The following MAP4K4 variants were observed in gnomAD, a reference collection of about 807,000 sequenced individuals.
The protein encoded by MAP4K4 is HPK/GCK-like kinase HGK.
A neutral mutation model predicts 189.6 loss-of-function variants in MAP4K4; 38 were observed. The observed-to-expected ratio is 0.20, with a 90% CI of 0.15 to 0.26. MAP4K4 has a LOEUF of 0.26. MAP4K4 is among the 10% of genes least tolerant of loss of function. The pLI is 1.00. For missense variants in MAP4K4, 1,054 were observed against 1,726.9 expected (o/e 0.61, Z 6.91); for synonymous variants, 610 against 624.3 (o/e 0.98, Z 0.34).
intron 2 of MAP4K4, among the ~76,000 whole-genome samples, chr2:101,731,094 T>C (rs533718222): frequency 9.9e-5 from 15 of 151,896 alleles, no homozygotes; most frequent in African/African-American, 3.6e-4. Context: ...GATTTGAATG[T>C]GACAGTAATT....
intron 2 of MAP4K4, among the ~76,000 whole-genome samples, chr2:101,707,093 G>A (rs2042711331): frequency 6.6e-6 from 1 of 152,144 alleles, no homozygotes. Context: ...TATTCCAAAT[G>A]ATGACCTTGT....
At chr2:101,721,555 C>T (rs574693295) in intron 2 of MAP4K4, among the ~76,000 whole-genome samples, 1 of 151,898 alleles carries the variant, frequency 6.6e-6, no homozygotes, top group South Asian at 2.1e-4. Flanking sequence ...CCTGCCTCGG[C>T]TTCCTGAGTA....
chr2:101,711,411 T>C (rs938045551), intron 2 of MAP4K4, among the ~76,000 whole-genome samples: 1 of 151,990 alleles, frequency 6.6e-6, no homozygotes, highest in Non-Finnish European at 1.5e-5. Flanking sequence ...TGCAGCACCA[T>C]GCCTGGCTAA....
chr2:101,858,675 G>T (rs2097548286), intron 13 of MAP4K4, among the ~76,000 whole-genome samples: 1 of 152,148 alleles, frequency 6.6e-6, no homozygotes, highest in South Asian at 2.1e-4. Flanking sequence ...TTTCTCTGGG[G>T]TTTACCAACC....
chr2:101,831,749 C>A, exon 7 of MAP4K4: 1 of 1,603,530 alleles, frequency 6.2e-7, no homozygotes, highest in Non-Finnish European at 8.5e-7. Context: ...CTCAGCTGGA[C>A]AGGACTGTGG....
intron 2 of MAP4K4, among the ~76,000 whole-genome samples, chr2:101,754,600 T>G (rs1273180096): frequency 6.6e-6 from 1 of 152,170 alleles, no homozygotes; most frequent in Non-Finnish European, 1.5e-5. Flanking sequence ...GTGATCTGCC[T>G]GCCTTGGCCT....
At chr2:101,771,958 C>T (rs959998309) in intron 2 of MAP4K4, among the ~76,000 whole-genome samples, 7 of 152,112 alleles carry the variant, frequency 4.6e-5, no homozygotes, top group Admixed American at 3.3e-4. Context: ...CGGTCCTGTG[C>T]TGTGGTCTAT....
At chr2:101,801,148 C>A (rs1558985075) in intron 3 of MAP4K4, among the ~76,000 whole-genome samples, 1 of 152,138 alleles carries the variant, frequency 6.6e-6, no homozygotes, top group Non-Finnish European at 1.5e-5. Flanking sequence ...GGCGGCTGTA[C>A]ATGCAAAGTT....
chr2:101,879,856 A>G (rs1055441177), intron 27 of MAP4K4, among the ~76,000 whole-genome samples: 2 of 144,502 alleles, frequency 1.4e-5, no homozygotes, highest in African/African-American at 5.1e-5. Flanking sequence ...TTTTAAGTAG[A>G]CTTTTTCTAA....
intron 2 of MAP4K4, among the ~76,000 whole-genome samples, chr2:101,709,573 C>T (rs527649909): frequency 2.0e-5 from 3 of 152,134 alleles, no homozygotes. Context: ...TCACTATCAG[C>T]GAGGTCACTG....
In MAP4K4 at chr2:101,856,618, A is replaced by G. The variant is rs146064456; in HGVS notation, c.1395+480A>G. Reference sequence around the variant, plus strand: ...TGTATATACACAGCACATTAAAAAAACTAACATTGATGAGTTCAACCAAAA... The same window carrying G: ...TGTATATACACAGCACATTAAAAAAGCTAACATTGATGAGTTCAACCAAAA... On this transcript the variant is annotated intron_variant, in intron 13 of 32. Transcript: ENST00000324219. Among the ~76,000 whole-genome samples, 1,249 of 152,356 alleles carry G rather than the reference A, an allele frequency of 8.2e-3. 17 individuals are homozygous for G. Among genetic ancestry groups the G allele is most frequent in the African/African-American group, 0.028 (1,169 of 41,586 alleles).
intron 5 of MAP4K4, 138 bp downstream of exon 5, chr2:101,825,567 C>G: frequency 2.0e-6 from 1 of 494,072 alleles, no homozygotes; most frequent in Non-Finnish European, 3.6e-6. Context: ...TTCTGTATAT[C>G]TAGCTAGCTT....
rs1169267800 is a variant in MAP4K4, at chr2:101,860,936, G to A, written c.1816G>A (p.Gly606Ser). The change falls in exon 16 of 33, where the codon GGC becomes AGC. Residue 606 changes from glycine to serine, a missense_variant. Transcript: ENST00000324219. The stretch of plus-strand genomic sequence containing the variant: ...TTCCCGATCAGAGTCTTTTTCCAAT[G>A]GCAACTCCGAGTCTGTGCATCCCGC... The A allele has an allele frequency of 3.1e-6, 5 of 1,605,194 alleles. No individual in the cohort carries two copies. The Admixed American group carries it at 6.8e-5, about 22-fold the overall frequency.
In MAP4K4 at chr2:101,775,004, C is replaced by A. The variant is rs978411813; in HGVS notation, c.124-15716C>A. ...ACTTCCCCCCATTTTGTTTATCAAT[C>A]TCACAAAAACCTAGGGTTTCCTATC... On this transcript the variant is annotated intron_variant, in intron 2 of 32. Coordinates refer to ENST00000324219, the Ensembl canonical transcript of MAP4K4. 2.0e-5 allele frequency among the ~76,000 whole-genome samples: 3 copies of A among 149,520 alleles called. No individual in the cohort carries two copies. The East Asian group carries it at 5.9e-4, about 29-fold the overall frequency.
chr2:101,758,198 A>G (rs1020023035), intron 2 of MAP4K4, among the ~76,000 whole-genome samples: 3 of 152,226 alleles, frequency 2.0e-5, no homozygotes, highest in Non-Finnish European at 2.9e-5. Flanking sequence ...TGTCTGTCTT[A>G]TAGTAATGAA....
At chr2:101,859,186 G>A in intron 14 of MAP4K4, 104 bp downstream of exon 14, 1 of 940,088 alleles carries the variant, frequency 1.1e-6, no homozygotes, top group Non-Finnish European at 1.6e-6. Context: ...GTTTTGCTGT[G>A]GGCAGCCAGG....
chr2:101,749,903 T>C (rs1225688911), intron 2 of MAP4K4, among the ~76,000 whole-genome samples: 1 of 64,370 alleles, frequency 1.6e-5, no homozygotes, highest in East Asian at 5.0e-4. Flanking sequence ...AAAAAACAAA[T>C]GAAAAATGCT....
intron 2 of MAP4K4, among the ~76,000 whole-genome samples, chr2:101,772,781 T>C (rs1480400891): frequency 6.6e-6 from 1 of 152,224 alleles, no homozygotes; most frequent in Non-Finnish European, 1.5e-5. Flanking sequence ...GCCCCGCGCC[T>C]GGGCACTGTG....
intron 11 of MAP4K4, among the ~76,000 whole-genome samples, chr2:101,843,841 T>TA (rs1412180772): frequency 6.6e-6 from 1 of 152,204 alleles, no homozygotes; most frequent in Non-Finnish European, 1.5e-5. Context: ...TTTGAATTGT[T>TA]ACGCGAATCC....
Sources: allele counts gnomAD v4.1 joint callset (sites outside exome capture counted in the v4.1 genomes callset), GRCh38; gene constraint gnomAD v4.1.1; transcripts MANE v1.5; gene names NCBI Gene and HGNC (gene_info 2026-07-23, HGNC 2026-07-21).